NTRK1: variants seen among roughly 807,000 people sequenced by gnomAD.
NTRK1 encodes the protein high affinity nerve growth factor receptor.
NTRK1 carries 62 observed loss-of-function variants against 86.8 expected under a neutral mutation model. The observed-to-expected ratio is 0.71, with a 90% CI of 0.58 to 0.88. The LOEUF is 0.88. Ranked by LOEUF, NTRK1 falls within the 40% of genes least tolerant of loss-of-function variation. NTRK1 has a pLI of 0.00. For synonymous variants in NTRK1, 469 were observed against 456.6 expected, an observed-to-expected ratio of 1.03 and a Z score of -0.35; for missense variants, 967 against 1,078.4, an observed-to-expected ratio of 0.90 and a Z score of 1.45.
At chr1:156,856,336 G>T (rs138643937), upstream of NTRK1, among the ~76,000 whole-genome samples, 8 of 152,308 alleles carry the variant, frequency 5.3e-5, no homozygotes, top group African/African-American at 1.9e-4. Context: ...GCGAAGAAGT[G>T]ATCTGAGCTT....
chr1:156,830,727 G>A (rs1654448942), intron 1 of NTRK1, among the ~76,000 whole-genome samples: 1 of 152,020 alleles, frequency 6.6e-6, no homozygotes, highest in Admixed American at 6.5e-5. Context: ...GCCAATTTTT[G>A]TACTTTTAGT....
intron 2 of NTRK1, chr1:156,851,351 G>C (rs1207651946): frequency 6.2e-7 from 1 of 1,614,134 alleles, no homozygotes; most frequent in Admixed American, 1.7e-5. Flanking sequence ...AGGGACACGA[G>C]GGCAAAGGAG....
chr1:156,874,025 G>A (rs2102906869), intron 8 of NTRK1, 66 bp downstream of exon 8: 1 of 1,483,700 alleles, frequency 6.7e-7, no homozygotes, highest in African/African-American at 1.4e-5. Flanking sequence ...CCAACTTCCT[G>A]CTATAGCCCT....
intron 1 of NTRK1, among the ~76,000 whole-genome samples, chr1:156,828,058 C>T (rs1654369875): frequency 6.6e-6 from 1 of 152,192 alleles, no homozygotes; most frequent in Non-Finnish European, 1.5e-5. Flanking sequence ...AGCAATCCTC[C>T]TGCCTCAGGC....
At chr1:156,851,765 C>G in intron 2 of NTRK1, 1 of 1,611,478 alleles carries the variant, frequency 6.2e-7, no homozygotes, top group Non-Finnish European at 8.5e-7. Flanking sequence ...AGGGCACAGC[C>G]CCTCGCACTT....
intron 2 of NTRK1, among the ~76,000 whole-genome samples, chr1:156,853,471 C>T (rs1484381673): frequency 1.3e-5 from 2 of 152,212 alleles, no homozygotes; most frequent in Admixed American, 1.3e-4. Context: ...CTTGCGCTGC[C>T]TACTCTCTGT....
chr1:156,848,445 A>C (rs1655086109), intron 2 of NTRK1, among the ~76,000 whole-genome samples: 1 of 151,964 alleles, frequency 6.6e-6, no homozygotes, highest in Non-Finnish European at 1.5e-5. Context: ...CACTATCCTC[A>C]TTGTTAGGGT....
chr1:156,862,863 G>T (rs562354703), intron 1 of NTRK1, among the ~76,000 whole-genome samples: 5 of 152,054 alleles, frequency 3.3e-5, no homozygotes, highest in African/African-American at 9.7e-5. Context: ...GTCAGTGGAG[G>T]TTACTTTATA....
upstream of NTRK1, among the ~76,000 whole-genome samples, chr1:156,860,301 C>T (rs2102877737): frequency 6.6e-6 from 1 of 152,376 alleles, no homozygotes; most frequent in Non-Finnish European, 1.5e-5. Flanking sequence ...TCTTGGCTCT[C>T]CGGACTCCCT....
Position 156,854,520 on chromosome 1 carries a change from T to C in NTRK1, c.51-9834T>C, listed in dbSNP as rs1048193063. On this transcript the variant is annotated intron_variant, in intron 2 of 16. Transcript: ENST00000392302. The surrounding 1 kb of genome is among the most constrained non-coding windows in gnomAD (Gnocchi z 4.2). ...ATGAGCCACACAGGCAAAAATGAAC[T>C]CCTGATCCTCTCTCCCAAGCCCATC... Among the ~76,000 whole-genome samples, 16 of 152,118 alleles carry C rather than the reference T, an allele frequency of 1.1e-4. No homozygotes were observed. The highest frequency in any genetic ancestry group is 9.8e-4 in the Admixed American group (15 of 15,280).
intron 2 of NTRK1, chr1:156,851,558 T>C: frequency 6.2e-7 from 1 of 1,608,762 alleles, no homozygotes; most frequent in South Asian, 1.1e-5. Context: ...TGATGGAAAA[T>C]TGTGCTGAGT....
upstream of NTRK1, chr1:156,858,473 T>C: frequency 7.8e-7 from 1 of 1,289,922 alleles, no homozygotes; most frequent in Non-Finnish European, 1.1e-6. Context: ...GCAAGCTCAG[T>C]TTTTTGGCCT....
At chr1:156,876,272 T>G in intron 13 of NTRK1, 62 bp downstream of exon 13, 4 of 1,612,066 alleles carry the variant, frequency 2.5e-6, no homozygotes, top group Admixed American at 1.7e-5. Flanking sequence ...CTCCATCACA[T>G]CAGGACAGAG....
chr1:156,842,487 A>G, intron 2 of NTRK1: 1 of 1,614,026 alleles, frequency 6.2e-7, no homozygotes, highest in Non-Finnish European at 8.5e-7. Context: ...TGGCCCTGAG[A>G]TACCACACCC....
chr1:156,871,738 T>C lies in NTRK1; in HGVS notation c.833T>C (p.Val278Ala). ...GATGTGGGCCGGGCAGAGGTCTCTG[T>C]TCAGGTCAACGTCTCCTGTGAGTCT... ...ENDVGRAEVS[V>A]QVNVSFPASV... Residue 278 changes from valine (V) to alanine (A), a missense_variant, in exon 7 of 17, where the codon GTT becomes GCT. Physicochemically the swap from Val to Ala is moderately conservative, Grantham distance 64 (BLOSUM62 0). Coordinates refer to ENST00000524377, the MANE Select transcript of NTRK1 (RefSeq NM_002529.4). 6.2e-7 allele frequency: 1 copy of C among 1,614,084 alleles called. No homozygotes were observed. Among genetic ancestry groups the C allele is most frequent in the Non-Finnish European group, 8.5e-7 (1 of 1,180,006 alleles).
At chr1:156,860,819 T>C (rs1655602001), upstream of NTRK1, 8 of 1,340,128 alleles carry the variant, frequency 6.0e-6, no homozygotes, top group Non-Finnish European at 7.6e-6. Context: ...GGCTCCGCCC[T>C]TTCCTGGCGG....
intron 2 of NTRK1, chr1:156,845,533 A>ACCCCCAAAACCCCCCCCCCCC: frequency 4.1e-6 from 3 of 728,016 alleles, no homozygotes; most frequent in South Asian, 2.1e-5. Context: ...GCAAGGCCCC[A>ACCCCCAAAACCCCCCCCCCCC]CCCACAAACC....
intron 16 of NTRK1, 113 bp downstream of exon 16, chr1:156,880,270 G>T: frequency 5.0e-6 from 6 of 1,210,262 alleles, no homozygotes; most frequent in Non-Finnish European, 7.1e-6. Context: ...GCCTGTTGGG[G>T]GGCCCTTTCC....
rs538198208 is a variant in NTRK1, at chr1:156,845,882, C to T, written c.50+3689C>T. 1.0e-5 allele frequency: 16 copies of T among 1,597,376 alleles called. No individual in the cohort carries two copies. In the African/African-American group the frequency reaches 1.7e-4, roughly 17 times the overall value. ...CCCGCCTCTGATCCCCCCCACCTGCCGGGGCCCTGCGCCTCCATCTCCCCT... is the reference window on the plus strand; with the variant it reads ...CCCGCCTCTGATCCCCCCCACCTGCTGGGGCCCTGCGCCTCCATCTCCCCT... On this transcript the variant is annotated intron_variant, in intron 2 of 16. Coordinates refer to the NTRK1 transcript ENST00000392302.
Sources: gnomAD v4.1 joint callset for allele counts (sites outside exome capture counted in the v4.1 genomes callset) on GRCh38, gnomAD v4.1.1 for gene constraint, Gnocchi (gnomAD v3.1) non-coding constraint, MANE v1.5 for transcripts, NCBI Gene and HGNC (gene_info 2026-07-23, HGNC 2026-07-21) for gene names.